FARS2: variants seen among roughly 807,000 people sequenced by gnomAD.
FARS2 encodes phenylalanyl-tRNA synthetase 2, mitochondrial.
In FARS2, 40 loss-of-function variants were observed where a neutral mutation model predicts 46.4. The observed-to-expected ratio is 0.86, with a 90% CI of 0.67 to 1.12. The LOEUF (loss-of-function observed/expected upper bound fraction) is 1.12. Among genes scored for constraint, FARS2 ranks in the 50% most tolerant of loss-of-function variants. The pLI is 0.00. For synonymous variants in FARS2, 234 were observed against 214.9 expected (o/e 1.09, Z -0.78); for missense variants, 513 against 567.9 (o/e 0.90, Z 0.98).
rs1485687590 is a variant in FARS2 at position 5,365,378 on chromosome 6, C to T, written c.-21-3172C>T. ...GCAGAGTCTCACTCTGTCACCCAAG[C>T]TGGAGTGCAGTGGTGCAATCCTGGC... is the stretch of plus-strand genomic sequence containing the variant. On this transcript the variant is annotated intron_variant, in intron 1 of 6. Transcript: ENST00000274680. Among the ~76,000 whole-genome samples the T allele has an allele frequency of 4.1e-5, 5 of 121,702 alleles. No individual in the cohort carries two copies. In the Admixed American group the frequency reaches 5.2e-4, roughly 13 times the overall value. The allele number at this position is 121,702 out of a possible 152,430, so 79.8% of individuals were successfully genotyped here.
intron 5 of FARS2, among the ~76,000 whole-genome samples, chr6:5,598,507 C>T (rs1774329859): frequency 6.6e-6 from 1 of 152,184 alleles, no homozygotes. Flanking sequence ...AGACTATTTT[C>T]TGGAAGTATC....
chr6:5,502,352 A>T (rs1302338099), intron 4 of FARS2, among the ~76,000 whole-genome samples: 2 of 152,242 alleles, frequency 1.3e-5, no homozygotes, highest in African/African-American at 4.8e-5. Flanking sequence ...GTCACATTTT[A>T]TAGGGTATAC....
chr6:5,689,266 C>T (rs1002026596), intron 6 of FARS2, among the ~76,000 whole-genome samples: 27 of 152,094 alleles, frequency 1.8e-4, no homozygotes, highest in African/African-American at 1.2e-4. Context: ...GCTCTTGCTT[C>T]TCTAGTTCTT....
intron 6 of FARS2, among the ~76,000 whole-genome samples, chr6:5,715,673 G>A (rs1220971276): frequency 6.6e-6 from 1 of 152,162 alleles, no homozygotes; most frequent in Non-Finnish European, 1.5e-5. Context: ...TTTTATTGCA[G>A]CATAGTAGTT....
chr6:5,412,082 T>C (rs970534738), intron 3 of FARS2, among the ~76,000 whole-genome samples: 1 of 152,218 alleles, frequency 6.6e-6, no homozygotes, highest in African/African-American at 2.4e-5. Flanking sequence ...ATTGGGACCC[T>C]TGGGGGAGTC....
At chr6:5,527,446 A>G (rs1769539277) in intron 4 of FARS2, among the ~76,000 whole-genome samples, 1 of 152,218 alleles carries the variant, frequency 6.6e-6, no homozygotes, top group African/African-American at 2.4e-5. Flanking sequence ...CCTAGTTTTG[A>G]TAACTCTTGT....
chr6:5,503,215 A>G (rs917059683), intron 4 of FARS2, among the ~76,000 whole-genome samples: 2 of 151,222 alleles, frequency 1.3e-5, no homozygotes, highest in Non-Finnish European at 3.0e-5. Flanking sequence ...TTAAGAAAAT[A>G]GTAAATAAAA....
At chr6:5,601,106 A>C (rs1250658874) in intron 5 of FARS2, among the ~76,000 whole-genome samples, 1 of 152,186 alleles carries the variant, frequency 6.6e-6, no homozygotes, top group Non-Finnish European at 1.5e-5. Flanking sequence ...CAAGCACCCA[A>C]CCATGCTGGC....
intron 2 of FARS2, among the ~76,000 whole-genome samples, chr6:5,370,410 A>G (rs759677086): frequency 1.3e-5 from 2 of 152,232 alleles, no homozygotes; most frequent in African/African-American, 4.8e-5. Flanking sequence ...TTTCCAAGTT[A>G]GGAAAAATAA....
At chr6:5,569,666 C>T (rs1310003773) in intron 5 of FARS2, among the ~76,000 whole-genome samples, 1 of 152,176 alleles carries the variant, frequency 6.6e-6, no homozygotes, top group Non-Finnish European at 1.5e-5. Flanking sequence ...AGTGACAACT[C>T]AGGCCAAGAT....
chr6:5,701,387 G>T (rs756391713), intron 6 of FARS2, among the ~76,000 whole-genome samples: 8 of 152,228 alleles, frequency 5.3e-5, no homozygotes, highest in Non-Finnish European at 1.2e-4. Flanking sequence ...GAGGCGTGGG[G>T]CGTGTGTCAT....
chr6:5,296,088 A>G (rs934586161), intron 1 of FARS2, among the ~76,000 whole-genome samples: 12 of 129,464 alleles, frequency 9.3e-5, no homozygotes, highest in Non-Finnish European at 1.2e-4. Flanking sequence ...TTTATTTTTA[A>G]TTGCGGTGAA....
intron 1 of FARS2, among the ~76,000 whole-genome samples, chr6:5,290,367 A>T (rs886250982): frequency 5.3e-5 from 8 of 152,202 alleles, no homozygotes; most frequent in African/African-American, 1.9e-4. Flanking sequence ...TATCTCACAG[A>T]CTGCATTTAA....
At chr6:5,507,291 G>A (rs1286558391) in intron 4 of FARS2, among the ~76,000 whole-genome samples, 1 of 152,066 alleles carries the variant, frequency 6.6e-6, no homozygotes, top group African/African-American at 2.4e-5. Context: ...TTAGGAACTG[G>A]GCACACGAGT....
chr6:5,260,552 T>C (rs1764995947), upstream of FARS2: 4 of 1,473,886 alleles, frequency 2.7e-6, no homozygotes, highest in Admixed American at 6.3e-5. Flanking sequence ...CAAACCACGG[T>C]GGCTCCCAGT....
intron 5 of FARS2, among the ~76,000 whole-genome samples, chr6:5,578,003 G>T (rs969387146): frequency 1.3e-5 from 2 of 151,954 alleles, no homozygotes; most frequent in Non-Finnish European, 2.9e-5. Flanking sequence ...GGGTTTCACC[G>T]TGTTAGCCAG....
chr6:5,675,759 T>C (rs1459642401), intron 6 of FARS2, among the ~76,000 whole-genome samples: 1 of 152,172 alleles, frequency 6.6e-6, no homozygotes, highest in African/African-American at 2.4e-5. Flanking sequence ...GTGAATAAAA[T>C]AAACCTGGAC....
At chr6:5,256,095 C>T (rs202246926), upstream of FARS2, among the ~76,000 whole-genome samples, 1 of 151,798 alleles carries the variant, frequency 6.6e-6, no homozygotes, top group East Asian at 2.0e-4. Context: ...ATTGAGAAAT[C>T]CTAGTTTAAG....
At chr6:5,352,391 A>AAGT (rs1434807139) in intron 1 of FARS2, among the ~76,000 whole-genome samples, 1 of 151,540 alleles carries the variant, frequency 6.6e-6, no homozygotes, top group Non-Finnish European at 1.5e-5. Context: ...CTCTAACTTG[A>AAGT]AGTACGTCAT....
Sources: gnomAD v4.1 joint callset for allele counts (sites outside exome capture counted in the v4.1 genomes callset) on GRCh38, gnomAD v4.1.1 for gene constraint, MANE v1.5 for transcripts, NCBI Gene and HGNC (gene_info 2026-07-23, HGNC 2026-07-21) for gene names.